The following PTPRD variants were observed in gnomAD, a reference collection of about 807,000 sequenced individuals.
PTPRD encodes the protein protein tyrosine phosphatase receptor type D.
A neutral mutation model predicts 214.5 loss-of-function variants in PTPRD; 34 were observed. The ratio of observed to expected loss-of-function variants is 0.16; its 90% CI spans 0.12 to 0.21. The LOEUF (loss-of-function observed/expected upper bound fraction) is 0.21. Among genes scored for constraint, PTPRD ranks in the 10% least tolerant of loss-of-function variants. The probability of loss-of-function intolerance (pLI) is 1.00; values close to 1 mark genes in which losing one functional copy is unlikely to be tolerated. For synonymous variants in PTPRD, 1,128 were observed against 845.7 expected (o/e 1.33, Z -5.79); for missense variants, 2,545 against 2,398.7 (o/e 1.06, Z -1.27).
intron 3 of PTPRD, among the ~76,000 whole-genome samples, chr9:10,322,728 T>C (rs1225893512): frequency 6.6e-6 from 1 of 152,022 alleles, no homozygotes; most frequent in African/African-American, 2.4e-5. Flanking sequence ...CAATTGGTTT[T>C]GTATCTGAGA....
chr9:8,527,227 C>A (rs1406136049), intron 16 of PTPRD, 118 bp downstream of exon 16: 4 of 1,059,472 alleles, frequency 3.8e-6, no homozygotes, highest in Non-Finnish European at 5.6e-6. Flanking sequence ...CTACAGAGAT[C>A]TGGTGTCTAC....
At chr9:9,775,979 A>AAAAAG (rs1555038117) in intron 5 of PTPRD, among the ~76,000 whole-genome samples, 4 of 148,532 alleles carry the variant, frequency 2.7e-5, no homozygotes, top group Non-Finnish European at 4.5e-5. Context: ...AAAAAAAAAA[A>AAAAAG]GCAAATCCTT....
chr9:9,525,825 T>C (rs934958606), intron 8 of PTPRD, among the ~76,000 whole-genome samples: 1 of 152,092 alleles, frequency 6.6e-6, no homozygotes, highest in African/African-American at 2.4e-5. Flanking sequence ...TTTTTTTTTT[T>C]TGTACAAACA....
intron 14 of PTPRD, among the ~76,000 whole-genome samples, chr9:8,618,926 T>G (rs1192961713): frequency 5.3e-4 from 76 of 143,684 alleles, no homozygotes; most frequent in African/African-American, 1.5e-3. Context: ...TTTTTTTTTT[T>G]TTTTTTTTTT....
chr9:9,633,333 T>A (rs145505586), intron 7 of PTPRD, among the ~76,000 whole-genome samples: 48 of 150,820 alleles, frequency 3.2e-4, no homozygotes, highest in African/African-American at 9.5e-4. Context: ...AAAGTTATGG[T>A]CAGTGGGTAG....
At chr9:9,440,922 G>C (rs1157324969) in intron 8 of PTPRD, among the ~76,000 whole-genome samples, 1 of 152,118 alleles carries the variant, frequency 6.6e-6, no homozygotes, top group Non-Finnish European at 1.5e-5. Flanking sequence ...CATTTGAAGG[G>C]GACGAAGGAA....
At chr9:10,301,788 C>T (rs2095869374) in intron 3 of PTPRD, among the ~76,000 whole-genome samples, 1 of 152,170 alleles carries the variant, frequency 6.6e-6, no homozygotes, top group African/African-American at 2.4e-5. Flanking sequence ...ACCAAATCTA[C>T]ATTTGATTGG....
intron 5 of PTPRD, among the ~76,000 whole-genome samples, chr9:9,872,400 G>C (rs753941037): frequency 1.1e-4 from 16 of 151,520 alleles, no homozygotes; most frequent in Non-Finnish European, 1.8e-4. Flanking sequence ...AGGAGTTTGA[G>C]ACAAGCCTAA....
At chr9:9,564,132 G>C (rs1001592336) in intron 8 of PTPRD, among the ~76,000 whole-genome samples, 4 of 152,078 alleles carry the variant, frequency 2.6e-5, no homozygotes, top group African/African-American at 9.7e-5. Flanking sequence ...GAGTATGTCA[G>C]CCAAAGAGGC....
chr9:9,627,622 CA>C (rs1040956697), intron 7 of PTPRD, among the ~76,000 whole-genome samples: 74 of 152,148 alleles, frequency 4.9e-4, no homozygotes, highest in African/African-American at 1.8e-3. Flanking sequence ...TTGCTTTGCA[CA>C]ATTGTTGAAT....
At chr9:10,163,226 C>T (rs2099139800) in intron 3 of PTPRD, among the ~76,000 whole-genome samples, 1 of 147,612 alleles carries the variant, frequency 6.8e-6, no homozygotes, top group Admixed American at 6.7e-5. Context: ...ATAAATTTCT[C>T]ATGGAGGCCA....
chr9:8,647,478 C>G (rs527506264), intron 12 of PTPRD, among the ~76,000 whole-genome samples: 1 of 152,054 alleles, frequency 6.6e-6, no homozygotes, highest in South Asian at 2.1e-4. Context: ...CTTTTATGAC[C>G]ACAAATAAAT....
intron 2 of PTPRD, among the ~76,000 whole-genome samples, chr9:10,536,029 G>C (rs958310172): frequency 2.6e-4 from 40 of 152,038 alleles, no homozygotes; most frequent in African/African-American, 9.4e-4. Context: ...TTTTTTTCCA[G>C]TGGTTAGCAA....
chr9:9,679,839 T>A (rs1595043940), intron 7 of PTPRD, among the ~76,000 whole-genome samples: 1 of 151,898 alleles, frequency 6.6e-6, no homozygotes, highest in Admixed American at 6.6e-5. Context: ...AATCTGCCAA[T>A]CTTCCTAGAA....
intron 10 of PTPRD, among the ~76,000 whole-genome samples, chr9:9,086,188 A>G (rs2099766800): frequency 6.6e-6 from 1 of 152,188 alleles, no homozygotes; most frequent in Non-Finnish European, 1.5e-5. Flanking sequence ...ACTAAAGATG[A>G]CTTTTGAAAA....
chr9:8,410,140 T>C (rs2093397569), intron 35 of PTPRD, among the ~76,000 whole-genome samples: 2 of 152,188 alleles, frequency 1.3e-5, no homozygotes. Context: ...ATATGCCCAT[T>C]TGGAAAAGAC....
At chr9:9,541,969 C>T (rs1425390247) in intron 8 of PTPRD, among the ~76,000 whole-genome samples, 1 of 151,394 alleles carries the variant, frequency 6.6e-6, no homozygotes, top group East Asian at 1.9e-4. Context: ...GTAAAGTAAA[C>T]CCAGAATAAG....
Position 9,111,204 on chromosome 9 carries a change from G to A in PTPRD, c.-143+72100C>T, listed in dbSNP as rs1325502809. Among the ~76,000 whole-genome samples the A allele has an allele frequency of 1.1e-4, 12 of 111,684 alleles. No individual in the cohort carries two copies. In the East Asian group the frequency reaches 2.0e-3, roughly 18 times the overall value. 73.3% of individuals were successfully genotyped at this position (111,684 alleles called of 152,430 possible). ...TCAAAGGATAAATAGAAATTCATTA[G>A]ATAAAGAAAAAAAAAAAAAAGAAAA... is the stretch of plus-strand genomic sequence containing the variant. On this transcript the variant is annotated intron_variant, in intron 10 of 45. Transcript: ENST00000381196.
chr9:9,024,515 A>G (rs2099580923), intron 10 of PTPRD, among the ~76,000 whole-genome samples: 1 of 151,660 alleles, frequency 6.6e-6, no homozygotes, highest in African/African-American at 2.4e-5. Context: ...ATACTCCAAA[A>G]AGGTAATAAC....
Sources: allele counts gnomAD v4.1 joint callset (sites outside exome capture counted in the v4.1 genomes callset), GRCh38; gene constraint gnomAD v4.1.1; transcripts MANE v1.5; gene names NCBI Gene and HGNC (gene_info 2026-07-23, HGNC 2026-07-21).